The following FAM184B variants were observed in gnomAD, a reference collection of about 807,000 sequenced individuals.
FAM184B encodes the protein protein FAM184B.
A neutral mutation model predicts 135.9 loss-of-function variants in FAM184B; 111 were observed. The observed-to-expected ratio is 0.82, with a 90% CI of 0.70 to 0.96. The LOEUF (loss-of-function observed/expected upper bound fraction) is 0.96, where lower values mean the gene tolerates loss of function less well. Ranked by LOEUF, FAM184B falls within the 40% of genes least tolerant of loss-of-function variation. The pLI, the probability that FAM184B is intolerant of heterozygous loss-of-function variation, is 0.00. For synonymous variants in FAM184B, 552 were observed against 524.8 expected (o/e 1.05, Z -0.71); for missense variants, 1,375 against 1,323.9 (o/e 1.04, Z -0.60).
intron 12 of FAM184B, among the ~76,000 whole-genome samples, chr4:17,643,808 G>A (rs2108931948): frequency 6.6e-6 from 1 of 152,330 alleles, no homozygotes; most frequent in African/African-American, 2.4e-5. Flanking sequence ...AGGCACTGGT[G>A]GAGACCCTGC....
At chr4:17,683,635 A>G (rs1240981063) in intron 7 of FAM184B, among the ~76,000 whole-genome samples, 1 of 152,154 alleles carries the variant, frequency 6.6e-6, no homozygotes, top group Non-Finnish European at 1.5e-5. Context: ...AAACAATCTA[A>G]ATGTCAATCA....
chr4:17,706,036 C>T (rs1717111791), intron 3 of FAM184B, 145 bp from the exon 4 acceptor site: 2 of 1,063,134 alleles, frequency 1.9e-6, no homozygotes, highest in Non-Finnish European at 2.7e-6. Flanking sequence ...GTCTGCTGAC[C>T]CCGAAGCATG....
At chr4:17,716,477 G>A (rs1717403339) in intron 1 of FAM184B, among the ~76,000 whole-genome samples, 1 of 151,804 alleles carries the variant, frequency 6.6e-6, no homozygotes, top group Non-Finnish European at 1.5e-5. Flanking sequence ...TGAGTACCTG[G>A]GATTACAGGT....
chr4:17,674,499 A>G (rs1716266174), intron 7 of FAM184B, among the ~76,000 whole-genome samples: 1 of 152,198 alleles, frequency 6.6e-6, no homozygotes, highest in African/African-American at 2.4e-5. Context: ...CTGACTGATC[A>G]GAATGGTCAT....
At chr4:17,663,778 C>A (rs115322825) in intron 8 of FAM184B, among the ~76,000 whole-genome samples, 1 of 152,066 alleles carries the variant, frequency 6.6e-6, no homozygotes, top group African/African-American at 2.4e-5. Context: ...ATAATCCCCA[C>A]GTGTTGAGGG....
At chr4:17,746,469 G>A (rs1348163324) in intron 1 of FAM184B, among the ~76,000 whole-genome samples, 1 of 151,890 alleles carries the variant, frequency 6.6e-6, no homozygotes, top group African/African-American at 2.4e-5. Context: ...GGTGGCTCAT[G>A]CCTGTGATCC....
At chr4:17,676,952 C>A (rs1018615697) in intron 7 of FAM184B, among the ~76,000 whole-genome samples, 24 of 152,200 alleles carry the variant, frequency 1.6e-4, no homozygotes, top group African/African-American at 5.8e-4. Context: ...AATCACCTAA[C>A]AACCCATTTC....
intron 1 of FAM184B, among the ~76,000 whole-genome samples, chr4:17,763,096 G>A (rs868266574): frequency 6.6e-6 from 1 of 152,126 alleles, no homozygotes; most frequent in African/African-American, 2.4e-5. Context: ...TGCCCATTTT[G>A]TTCAGTGCTA....
intron 1 of FAM184B, among the ~76,000 whole-genome samples, chr4:17,729,475 C>G (rs1371812701): frequency 6.6e-6 from 1 of 152,234 alleles, no homozygotes; most frequent in African/African-American, 2.4e-5. Flanking sequence ...GACCCCCGAG[C>G]AGCCTAACTG....
intron 15 of FAM184B, 97 bp from the exon 16 acceptor site, chr4:17,635,210 A>G: frequency 5.3e-6 from 5 of 938,830 alleles, no homozygotes; most frequent in South Asian, 1.5e-5. Context: ...TAGAGAAGGA[A>G]AGTCCAGGGG....
intron 5 of FAM184B, among the ~76,000 whole-genome samples, chr4:17,700,730 C>T (rs961245802): frequency 1.3e-5 from 2 of 152,104 alleles, no homozygotes; most frequent in African/African-American, 4.8e-5. Context: ...TCTAGACAGA[C>T]CACGTTTGGG....
In FAM184B at chr4:17,631,245, T is replaced by G. The variant is rs972181207; in HGVS notation, c.*1287A>C. Reference sequence around the variant, plus strand: ...ATTTTTTTAATCTGTAGAGATGGGATCTCACTATCTTGCCCAGGCTGGTCT... The same window carrying G: ...ATTTTTTTAATCTGTAGAGATGGGAGCTCACTATCTTGCCCAGGCTGGTCT... On this transcript the variant is annotated 3_prime_UTR_variant, in exon 18 of 18. Coordinates refer to ENST00000265018, the MANE Select transcript of FAM184B (RefSeq NM_015688.2). 1 of 152,140 alleles carries G rather than the reference T, an allele frequency of 6.6e-6. No individual in the cohort carries two copies. The highest frequency in any genetic ancestry group is 2.4e-5 in the African/African-American group (1 of 41,400). 9.4% of individuals were successfully genotyped at this position (152,140 alleles called of 1,614,324 possible). A position where few individuals can be genotyped will look rare whatever the true frequency, so the allele number is the denominator to read the frequency against.
chr4:17,766,374 A>T (rs1718690932), intron 1 of FAM184B, among the ~76,000 whole-genome samples: 1 of 152,076 alleles, frequency 6.6e-6, no homozygotes, highest in Admixed American at 6.6e-5. Flanking sequence ...CTTGAGCTAG[A>T]CCACAGGGTG....
In FAM184B at chr4:17,709,441, C is replaced by G. The variant is rs1383353541; in HGVS notation, c.345G>C (p.Thr115=). Residue 115 remains threonine (T), a synonymous_variant, in exon 2 of 18, where the codon ACG becomes ACC. Transcript: ENST00000265018. The part of the protein sequence containing the change: ...ESALELQKRL[T]EEALAESASC... The stretch of plus-strand genomic sequence containing the variant: ...AGGCCGACTCAGCCAGCGCCTCCTC[C>G]GTCAGCCTCTTTTGCAGCTCCAGGG... 6.6e-7 allele frequency: 1 copy of G among 1,522,002 alleles called. No individual in the cohort carries two copies. Among genetic ancestry groups the G allele is most frequent in the South Asian group, 1.2e-5 (1 of 80,610 alleles). The allele number at this position is 1,522,002 out of a possible 1,614,324, so 94.3% of individuals were successfully genotyped here. A position where few individuals can be genotyped will look rare whatever the true frequency, so the allele number is the denominator to read the frequency against.
At chr4:17,664,247 A>T (rs1715992544) in intron 8 of FAM184B, among the ~76,000 whole-genome samples, 1 of 152,172 alleles carries the variant, frequency 6.6e-6, no homozygotes, top group Admixed American at 6.5e-5. Flanking sequence ...CTAATTAAAG[A>T]ACACTTGGAA....
intron 1 of FAM184B, among the ~76,000 whole-genome samples, chr4:17,742,168 ATT>A (rs869228150): frequency 6.4e-5 from 7 of 109,294 alleles, no homozygotes; most frequent in African/African-American, 2.9e-4. Context: ...ATATATATAT[ATT>A]TTTTTTTTTT....
rs1365496981 is a variant in FAM184B at position 17,642,174 on chromosome 4, A to G, written c.2401T>C (p.Ser801Pro). 1 of 1,532,040 alleles carries G rather than the reference A, an allele frequency of 6.5e-7. No individual in the cohort carries two copies. Among genetic ancestry groups the G allele is most frequent in the Non-Finnish European group, 8.7e-7 (1 of 1,145,138 alleles). 94.9% of individuals were successfully genotyped at this position (1,532,040 alleles called of 1,614,324 possible). ...TCCCAGAGCCCGCATCCCTCGCCGG[A>G]ACCCTGCCCAGCAGCGCCCGGTGGG... ...GSPPGAAGQG[S>P]GEGCGLWEEN... Residue 801 changes from serine to proline, a missense_variant, in exon 13 of 18, where the codon TCC (serine) becomes CCC (proline). Transcript: ENST00000265018.
chr4:17,720,332 GA>G (rs1372852484), intron 1 of FAM184B, among the ~76,000 whole-genome samples: 13 of 151,994 alleles, frequency 8.6e-5, no homozygotes. Flanking sequence ...CATTTCACAG[GA>G]ACTCCTTTCT....
intron 8 of FAM184B, 52 bp from the exon 9 acceptor site, chr4:17,660,139 C>G (rs1460773956): frequency 1.1e-5 from 17 of 1,537,778 alleles, no homozygotes; most frequent in Non-Finnish European, 1.1e-5. Flanking sequence ...CTAGGAATGA[C>G]ACTGCCACTC....
Sources: allele counts gnomAD v4.1 joint callset (sites outside exome capture counted in the v4.1 genomes callset), GRCh38; gene constraint gnomAD v4.1.1; transcripts MANE v1.5; gene names NCBI Gene and HGNC (gene_info 2026-07-23, HGNC 2026-07-21).